The following ZP3 variants were observed in gnomAD, a reference collection of about 807,000 sequenced individuals.
ZP3 encodes zona pellucida glycoprotein 3, also known as zona pellucida sperm-binding protein 3.
A neutral mutation model predicts 35.6 loss-of-function variants in ZP3; 21 were observed. The ratio of observed to expected loss-of-function variants is 0.59; its 90% CI spans 0.42 to 0.85. The LOEUF is 0.85. Among genes scored for constraint, ZP3 ranks in the 40% least tolerant of loss-of-function variants. ZP3 has a pLI of 0.00. For synonymous variants in ZP3, 207 were observed against 214.5 expected (o/e 0.96, Z 0.31); for missense variants, 437 against 536.5 (o/e 0.81, Z 1.83).
chr7:76,414,132 G>A (rs1805311947), intron 1 of ZP3, among the ~76,000 whole-genome samples: 1 of 151,722 alleles, frequency 6.6e-6, no homozygotes, highest in Non-Finnish European at 1.5e-5. Flanking sequence ...AAGTAGCTGG[G>A]ATTACAGGTG....
intron 1 of ZP3, among the ~76,000 whole-genome samples, chr7:76,405,271 TTATATATATATATATATATATATATATA>T (rs1171830870): frequency 0.015 from 135 of 9,138 alleles, 10 homozygotes; most frequent in African/African-American, 0.029. Context: ...ACCCAGCTAA[TTATATATATATATATATATATATATATA>T]TATATATATA....
chr7:76,419,123 G>A (rs75673736), intron 1 of ZP3, among the ~76,000 whole-genome samples: 12,982 of 152,010 alleles, frequency 0.085, 1,095 homozygotes, highest in African/African-American at 0.21. Flanking sequence ...AGTCCCTGCC[G>A]TATTGAGAAT....
chr7:76,430,810 T>TGG (rs1215059687), intron 2 of ZP3, among the ~76,000 whole-genome samples: 1 of 152,250 alleles, frequency 6.6e-6, no homozygotes, highest in East Asian at 1.9e-4. Context: ...GCCATGCCCC[T>TGG]GGGAGGGGTC....
chr7:76,418,316 T>G (rs990876915), intron 1 of ZP3, among the ~76,000 whole-genome samples: 2 of 151,962 alleles, frequency 1.3e-5, no homozygotes, highest in Non-Finnish European at 2.9e-5. Context: ...TTTGGGTGGC[T>G]GAGGCAGGCA....
At chr7:76,401,510 G>A (rs1047714208) in intron 1 of ZP3, among the ~76,000 whole-genome samples, 1 of 152,056 alleles carries the variant, frequency 6.6e-6, no homozygotes, top group African/African-American at 2.4e-5. Context: ...TCTTCCTCTG[G>A]GGTTCAAGCG....
In ZP3 at chr7:76,402,636, A is replaced by T. The variant is rs1212249692; in HGVS notation, c.-67+4839A>T. ...GCCTGGCCTTGAGTCTTTCTGCTTC[A>T]GCCATCATGTATGTCCTCATTGCTT... On this transcript the variant is annotated intron_variant, in intron 1 of 8. Coordinates refer to the ZP3 transcript ENST00000336517. Among the ~76,000 whole-genome samples the T allele has an allele frequency of 2.6e-5, 4 of 151,844 alleles. 1 individual carries two copies. The highest frequency in any genetic ancestry group is 9.7e-5 in the African/African-American group (4 of 41,340).
At chr7:76,430,836 C>G (rs1027572241) in intron 2 of ZP3, among the ~76,000 whole-genome samples, 3 of 152,130 alleles carry the variant, frequency 2.0e-5, no homozygotes, top group African/African-American at 4.8e-5. Context: ...AGGGGTTATC[C>G]TAGAACAGGA....
chr7:76,427,764 G>A (rs77667302), intron 1 of ZP3, among the ~76,000 whole-genome samples: 1,901 of 152,190 alleles, frequency 0.012, 32 homozygotes, highest in African/African-American at 0.035. Flanking sequence ...GGGCAACTTC[G>A]ACCTCCTAGG....
At chr7:76,419,497 T>C (rs1206317654) in intron 1 of ZP3, among the ~76,000 whole-genome samples, 1 of 152,176 alleles carries the variant, frequency 6.6e-6, no homozygotes, top group Non-Finnish European at 1.5e-5. Context: ...CTCTCATCTA[T>C]TCCACTGTTT....
At chr7:76,424,492 G>A (rs139979663), upstream of ZP3, among the ~76,000 whole-genome samples, 18 of 152,202 alleles carry the variant, frequency 1.2e-4, no homozygotes, top group South Asian at 2.1e-4. Flanking sequence ...AGCCAGGCGC[G>A]GTGGCGCATG....
chr7:76,404,487 G>A, intron 1 of ZP3: 2 of 1,613,468 alleles, frequency 1.2e-6, no homozygotes, highest in Non-Finnish European at 1.7e-6. Flanking sequence ...GCGCCAGGGA[G>A]AAGTCACAGT....
chr7:76,430,725 A>T (rs1488801259), intron 2 of ZP3, among the ~76,000 whole-genome samples: 7 of 152,086 alleles, frequency 4.6e-5, no homozygotes, highest in Admixed American at 2.0e-4. Context: ...ACAGAGCAAG[A>T]CTCCATCTCA....
intron 7 of ZP3, among the ~76,000 whole-genome samples, chr7:76,441,273 C>T (rs1440741468): frequency 6.0e-5 from 9 of 150,736 alleles, no homozygotes; most frequent in African/African-American, 1.5e-4. Flanking sequence ...CATGAGTTCT[C>T]GACCAGCCTG....
rs369991319 is a variant in ZP3 at position 76,426,874 on chromosome 7, C to CCACACA, written c.312+1627_312+1632dup. Among the ~76,000 whole-genome samples, 474 of 126,752 alleles carry CCACACA rather than the reference C, an allele frequency of 3.7e-3. 5 individuals are homozygous for CCACACA. Among genetic ancestry groups the CCACACA allele is most frequent in the African/African-American group, 0.014 (439 of 32,096 alleles). 83.2% of individuals were successfully genotyped at this position (126,752 alleles called of 152,430 possible). On this transcript the variant is annotated intron_variant, in intron 1 of 7. Transcript: ENST00000394857. ...ATGAGACCCCCTTCTCTACCAAACA[C>CCACACA]CACACACACACACACACACACACAC... is the stretch of plus-strand genomic sequence containing the variant.
intron 5 of ZP3, among the ~76,000 whole-genome samples, chr7:76,436,436 C>G (rs1375748177): frequency 6.6e-6 from 1 of 152,206 alleles, no homozygotes; most frequent in Non-Finnish European, 1.5e-5. Context: ...CTAGGTGACT[C>G]TAATACGCAG....
rs1235593319 is a variant in ZP3 at position 76,433,618 on chromosome 7, C to G, written c.684C>G (p.Ser228=). 6.8e-6 allele frequency: 11 copies of G among 1,612,018 alleles called. No homozygotes were observed. In the Admixed American group the frequency reaches 1.8e-4, roughly 27 times the overall value. The stretch of plus-strand genomic sequence containing the variant: ...CACCGACACCAGACCAGAATGCCTC[C>G]CCTTATCACACCATCGTGGACTTCC... ...VATPTPDQNA[S]PYHTIVDFHG... The change falls in exon 4 of 8, where the codon TCC becomes TCG. Residue 228 remains serine, a synonymous_variant. Coordinates refer to ENST00000394857, the MANE Select transcript of ZP3 (RefSeq NM_001110354.2).
chr7:76,432,179 ATCTTT>A (rs200141899), intron 2 of ZP3, among the ~76,000 whole-genome samples: 2,431 of 149,618 alleles, frequency 0.016, 59 homozygotes, highest in African/African-American at 0.055. Context: ...ATGCCCAGCT[ATCTTT>A]TCTTTTCTTT....
At chr7:76,408,676 T>A (rs1387718985) in intron 1 of ZP3, among the ~76,000 whole-genome samples, 1 of 152,124 alleles carries the variant, frequency 6.6e-6, no homozygotes, top group East Asian at 1.9e-4. Flanking sequence ...CCCAGAGCCC[T>A]CTGCCAAGCC....
upstream of ZP3, among the ~76,000 whole-genome samples, chr7:76,420,799 C>G (rs996278971): frequency 1.3e-5 from 2 of 152,080 alleles, no homozygotes; most frequent in Admixed American, 1.3e-4. Flanking sequence ...ACCTTTTACC[C>G]AGGTTCAGCC....
Sources: allele counts gnomAD v4.1 joint callset (sites outside exome capture counted in the v4.1 genomes callset), GRCh38; gene constraint gnomAD v4.1.1; transcripts MANE v1.5; gene names NCBI Gene and HGNC (gene_info 2026-07-23, HGNC 2026-07-21).